Variants in NIBAN1 observed in about 807,000 individuals in gnomAD.
NIBAN1 encodes the protein niban apoptosis regulator 1.
A neutral mutation model predicts 75.1 loss-of-function variants in NIBAN1; 81 were observed. That is an observed-to-expected ratio of 1.08 (90% confidence interval 0.90 to 1.30). NIBAN1 has a LOEUF of 1.30. Among genes scored for constraint, NIBAN1 ranks in the 50% most tolerant of loss-of-function variants. The pLI, the probability that NIBAN1 is intolerant of heterozygous loss-of-function variation, is 0.00. For missense variants in NIBAN1, 1,133 were observed against 1,128.1 expected, an observed-to-expected ratio of 1.00 and a Z score of -0.06; for synonymous variants, 436 against 424.8, an observed-to-expected ratio of 1.03 and a Z score of -0.32.
chr1:184,904,517 A>G (rs1571561963), intron 1 of NIBAN1, among the ~76,000 whole-genome samples: 1 of 152,164 alleles, frequency 6.6e-6, no homozygotes, highest in Non-Finnish European at 1.5e-5. Flanking sequence ...CTCAGCATTC[A>G]TTTGACTCCT....
At chr1:184,797,090 A>G (rs1179504826) in intron 13 of NIBAN1, among the ~76,000 whole-genome samples, 1 of 150,824 alleles carries the variant, frequency 6.6e-6, no homozygotes, top group African/African-American at 2.4e-5. Context: ...TTCCAAAAGG[A>G]GACCAGATAT....
At chr1:184,890,058 A>C (rs1557901958) in intron 4 of NIBAN1, 50 bp downstream of exon 4, 1 of 1,387,540 alleles carries the variant, frequency 7.2e-7, no homozygotes, top group Non-Finnish European at 1.0e-6. Flanking sequence ...CTCCAGCTAA[A>C]CAAAGAAGCT....
chr1:184,805,034 C>T (rs527911496), intron 11 of NIBAN1, among the ~76,000 whole-genome samples: 55 of 152,148 alleles, frequency 3.6e-4, no homozygotes, highest in Admixed American at 3.3e-4. Flanking sequence ...GTGATCTGCC[C>T]GCCTCGGCCT....
rs541041588 is a variant in NIBAN1 at position 184,859,337 on chromosome 1, A to G, written c.601+25296T>C. Among the ~76,000 whole-genome samples the G allele has an allele frequency of 2.6e-5, 4 of 152,332 alleles. No homozygotes were observed. In the South Asian group the frequency reaches 8.3e-4, roughly 32 times the overall value. On this transcript the variant is annotated intron_variant, in intron 5 of 13. Coordinates refer to ENST00000367511, the MANE Select transcript of NIBAN1 (RefSeq NM_052966.4). ...AGTGGAATACATCTGTCCAGCAAAT[A>G]CATCCTCAGCCTACCCACGTTGATC...
intron 12 of NIBAN1, among the ~76,000 whole-genome samples, chr1:184,799,582 G>C (rs1028041946): frequency 1.4e-5 from 2 of 141,494 alleles, no homozygotes; most frequent in Non-Finnish European, 3.1e-5. Context: ...TGGGTCAAAT[G>C]GTATTTCTAG....
intron 1 of NIBAN1, among the ~76,000 whole-genome samples, chr1:184,951,457 G>A (rs572371777): frequency 2.0e-5 from 3 of 152,230 alleles, no homozygotes; most frequent in South Asian, 2.1e-4. Context: ...CTTTCAATAA[G>A]CAGCAACTCC....
intron 7 of NIBAN1, 145 bp from the exon 8 acceptor site, chr1:184,823,474 T>C: frequency 2.3e-6 from 3 of 1,314,440 alleles, no homozygotes; most frequent in Non-Finnish European, 1.0e-6. Context: ...AGTTGGAGTC[T>C]GTTTGGAACA....
intron 1 of NIBAN1, among the ~76,000 whole-genome samples, chr1:184,937,174 A>G (rs1178051955): frequency 1.7e-5 from 2 of 115,780 alleles, no homozygotes; most frequent in Admixed American, 1.1e-4. Flanking sequence ...TTTTTGAGAG[A>G]CAGGTTCTTG....
Position 184,884,749 on chromosome 1 carries a change from A to T in NIBAN1, c.485T>A (p.Phe162Tyr), listed in dbSNP as rs1031797674. ...TQPFVVLPKE[F>Y]PVYLWQPFFR... ...GAAGGGCTGCCACAGGTACACTGGG[A>T]ATTCCTTGGGCAGGACCACAAAGGG... Residue 162 changes from phenylalanine (F) to tyrosine (Y), a missense_variant, in exon 5 of 14, where the codon TTC becomes TAC. Coordinates refer to ENST00000367511, the MANE Select transcript of NIBAN1 (RefSeq NM_052966.4). 3.1e-6 allele frequency: 5 copies of T among 1,614,078 alleles called. No homozygotes were observed. The African/African-American group carries it at 6.7e-5, about 22-fold the overall frequency.
At position 184,791,959 on chromosome 1, in the gene NIBAN1, CT is replaced by C. The variant is rs11338849; in HGVS notation, c.*3017del. 0.37 allele frequency: 54,001 copies of C among 145,756 alleles called. 9,644 individuals carry two copies. Among genetic ancestry groups the C allele is most frequent in the Admixed American group, 0.43 (6,343 of 14,634 alleles). 9.0% of individuals were successfully genotyped at this position (145,756 alleles called of 1,614,324 possible). A position where few individuals can be genotyped will look rare whatever the true frequency, so the allele number is the denominator to read the frequency against. The stretch of plus-strand genomic sequence containing the variant: ...CAATCATCCTGCTTATTCTAGAAAA[CT>C]TTTTTTTTTTTTTTGAGACAGGGTC... On this transcript the variant is annotated 3_prime_UTR_variant, in exon 14 of 14. Transcript: ENST00000367511.
In NIBAN1 at chr1:184,791,495, T is replaced by C. The variant is rs1653694887; in HGVS notation, c.*3482A>G. ...ACCCTGGTAGTCTCCAAAATCTTTT[T>C]TTTTTTTTTTTAAAGAAAGTTTACT... On this transcript the variant is annotated 3_prime_UTR_variant, in exon 14 of 14. Coordinates refer to ENST00000367511, the MANE Select transcript of NIBAN1 (RefSeq NM_052966.4). 1.3e-5 allele frequency: 2 copies of C among 152,246 alleles called. No individual in the cohort carries two copies. Among genetic ancestry groups the C allele is most frequent in the Admixed American group, 1.3e-4 (2 of 15,268 alleles). The allele number at this position is 152,246 out of a possible 1,614,324, so 9.4% of individuals were successfully genotyped here. A position where few individuals can be genotyped will look rare whatever the true frequency, so the allele number is the denominator to read the frequency against.
At chr1:184,798,328 A>C (rs1653934405) in intron 12 of NIBAN1, 138 bp from the exon 13 acceptor site, 1 of 548,322 alleles carries the variant, frequency 1.8e-6, no homozygotes, top group Non-Finnish European at 3.3e-6. Flanking sequence ...GCCCAGGGGC[A>C]AATTACTCAA....
At chr1:184,892,805 T>G (rs1656704368) in intron 3 of NIBAN1, among the ~76,000 whole-genome samples, 1 of 152,126 alleles carries the variant, frequency 6.6e-6, no homozygotes, top group East Asian at 1.9e-4. Context: ...AGAGTCTCAC[T>G]CTGTCACCCA....
chr1:184,812,709 A>G (rs957819861), intron 9 of NIBAN1, among the ~76,000 whole-genome samples: 7 of 152,236 alleles, frequency 4.6e-5, no homozygotes, highest in Non-Finnish European at 8.8e-5. Flanking sequence ...TTGCAAACTC[A>G]AAGTTAACTA....
At chr1:184,819,027 C>G (rs1437027802) in intron 8 of NIBAN1, among the ~76,000 whole-genome samples, 3 of 152,088 alleles carry the variant, frequency 2.0e-5, no homozygotes, top group Admixed American at 2.0e-4. Context: ...CAGAACTGGA[C>G]CAAACCTATC....
At chr1:184,950,118 C>T (rs1284292257) in intron 1 of NIBAN1, among the ~76,000 whole-genome samples, 2 of 151,750 alleles carry the variant, frequency 1.3e-5, no homozygotes, top group African/African-American at 4.8e-5. Context: ...AGGTAAGAAC[C>T]CCACCCAACC....
At chr1:184,869,189 T>C (rs558242404) in intron 5 of NIBAN1, among the ~76,000 whole-genome samples, 1 of 152,270 alleles carries the variant, frequency 6.6e-6, no homozygotes, top group Non-Finnish European at 1.5e-5. Flanking sequence ...AGGTGGTACA[T>C]TGCCTCTCAC....
At chr1:184,911,358 A>G (rs1463776657) in intron 1 of NIBAN1, among the ~76,000 whole-genome samples, 1 of 152,200 alleles carries the variant, frequency 6.6e-6, no homozygotes, top group Non-Finnish European at 1.5e-5. Context: ...CATTTCATTA[A>G]GTGATCTAAG....
At chr1:184,807,985 C>G in intron 10 of NIBAN1, 89 bp downstream of exon 10, 1 of 1,468,726 alleles carries the variant, frequency 6.8e-7, no homozygotes, top group Non-Finnish European at 9.5e-7. Flanking sequence ...TTTCCCTGAG[C>G]TACACTAGCA....
Sources: gnomAD v4.1 joint callset for allele counts (sites outside exome capture counted in the v4.1 genomes callset) on GRCh38, gnomAD v4.1.1 for gene constraint, MANE v1.5 for transcripts, NCBI Gene and HGNC (gene_info 2026-07-23, HGNC 2026-07-21) for gene names.